NFU1: variants seen among roughly 807,000 people sequenced by gnomAD.
The protein encoded by NFU1 is NFU1 iron-sulfur cluster scaffold homolog, mitochondrial.
Under a neutral mutation model 32.2 loss-of-function variants are expected in NFU1, and 30 were observed. That is an observed-to-expected ratio of 0.93 (90% confidence interval 0.70 to 1.26). The LOEUF (loss-of-function observed/expected upper bound fraction) is 1.26. NFU1 is among the 50% of genes most tolerant of loss of function. The pLI is 0.00. For synonymous variants in NFU1, 112 were observed against 104.6 expected, an observed-to-expected ratio of 1.07 and a Z score of -0.43; for missense variants, 306 against 306.6, an observed-to-expected ratio of 1.00 and a Z score of 0.02.
chr2:69,417,743 G>C (rs1673104277), intron 4 of NFU1, among the ~76,000 whole-genome samples: 1 of 151,702 alleles, frequency 6.6e-6, no homozygotes, highest in African/African-American at 2.4e-5. Context: ...TATTGGTTAT[G>C]TCATTTCACT....
intron 6 of NFU1, among the ~76,000 whole-genome samples, chr2:69,404,309 C>T (rs945691416): frequency 1.3e-5 from 2 of 150,844 alleles, no homozygotes; most frequent in African/African-American, 4.9e-5. Flanking sequence ...CTGGCCAACA[C>T]GGTGAAACCC....
upstream of NFU1, among the ~76,000 whole-genome samples, chr2:69,439,542 A>C (rs1379022542): frequency 6.6e-6 from 1 of 152,184 alleles, no homozygotes; most frequent in African/African-American, 2.4e-5. Flanking sequence ...CTTTCATAAC[A>C]TGGAAGGGGA....
At chr2:69,419,746 T>C in intron 3 of NFU1, 142 bp from the exon 4 acceptor site, 1 of 643,944 alleles carries the variant, frequency 1.6e-6, no homozygotes, top group Non-Finnish European at 2.8e-6. Context: ...CAATTTTGTT[T>C]TATATTCCTA....
intron 2 of NFU1, among the ~76,000 whole-genome samples, chr2:69,431,064 A>C (rs927665079): frequency 1.1e-4 from 17 of 152,178 alleles, no homozygotes; most frequent in Admixed American, 9.8e-4. Flanking sequence ...CTATTTCCCA[A>C]ATTAAAGAAA....
At chr2:69,401,019 G>C (rs987599059) in intron 6 of NFU1, among the ~76,000 whole-genome samples, 1 of 152,092 alleles carries the variant, frequency 6.6e-6, no homozygotes, top group Admixed American at 6.6e-5. Context: ...AATAATTATT[G>C]TGATTACCTA....
In NFU1 at chr2:69,399,356, C is replaced by T. The variant is rs577255160; in HGVS notation, c.720+1008G>A. The T allele has an allele frequency of 4.0e-3, 1,821 of 455,664 alleles. 13 individuals are homozygous for T. The highest frequency in any genetic ancestry group is 4.2e-3 in the Non-Finnish European group (954 of 226,628). The allele number at this position is 455,664 out of a possible 1,614,324, so 28.2% of individuals were successfully genotyped here. ...ATCACTGCAGTGAGACTCATTATTACTGATGACAAGGTGCTGTGTTATACT... is the reference window on the plus strand; with the variant it reads ...ATCACTGCAGTGAGACTCATTATTATTGATGACAAGGTGCTGTGTTATACT... On this transcript the variant is annotated intron_variant, in intron 7 of 7. Transcript: ENST00000410022.
At chr2:69,400,598 A>AT in intron 6 of NFU1, 60 bp from the exon 7 acceptor site, 1 of 1,451,506 alleles carries the variant, frequency 6.9e-7, no homozygotes, top group Non-Finnish European at 9.7e-7. Context: ...CATTGAAAAA[A>AT]TTTAATACAG....
chr2:69,412,070 G>A (rs1672899292), intron 5 of NFU1, among the ~76,000 whole-genome samples: 1 of 152,112 alleles, frequency 6.6e-6, no homozygotes, highest in Non-Finnish European at 1.5e-5. Context: ...TTTTGGCGGG[G>A]GGACGGAGTC....
chr2:69,404,793 T>C (rs1672644618), intron 6 of NFU1, among the ~76,000 whole-genome samples: 1 of 150,984 alleles, frequency 6.6e-6, no homozygotes, highest in South Asian at 2.1e-4. Flanking sequence ...CTAATTTTTG[T>C]ATTCTTAGTA....
Position 69,415,178 on chromosome 2 carries a change from A to C in NFU1, c.484+7T>G. ...ACAAATTTTAATTACTCAATACAAC[A>C]TGTTACCTGCTTCTCCTGAAGGTGT... On this transcript the variant is annotated splice_region_variant and intron_variant, in intron 5 of 7. Transcript: ENST00000410022. 2.0e-6 allele frequency: 3 copies of C among 1,505,932 alleles called. 1 individual carries two copies. Among genetic ancestry groups the C allele is most frequent in the Non-Finnish European group, 2.8e-6 (3 of 1,081,402 alleles). 93.3% of individuals were successfully genotyped at this position (1,505,932 alleles called of 1,614,324 possible).
At chr2:69,438,993 A>C (rs1673957560), upstream of NFU1, among the ~76,000 whole-genome samples, 1 of 150,330 alleles carries the variant, frequency 6.7e-6, no homozygotes, top group Non-Finnish European at 1.5e-5. Flanking sequence ...TGGCTCTTCC[A>C]CCTTGGAACA....
chr2:69,397,608 T>TG (rs1491535362), intron 7 of NFU1, among the ~76,000 whole-genome samples: 4 of 77,482 alleles, frequency 5.2e-5, no homozygotes, highest in African/African-American at 4.3e-4. Context: ...CAAAGTAAGG[T>TG]TTTTTTTTTT....
At chr2:69,428,143 G>C (rs919813501) in intron 2 of NFU1, among the ~76,000 whole-genome samples, 1 of 152,088 alleles carries the variant, frequency 6.6e-6, no homozygotes, top group Non-Finnish European at 1.5e-5. Flanking sequence ...TCAGTGCCTG[G>C]CCGGGCGCAG....
intron 1 of NFU1, among the ~76,000 whole-genome samples, chr2:69,432,948 G>A (rs1052836744): frequency 1.3e-5 from 2 of 151,784 alleles, no homozygotes; most frequent in East Asian, 2.0e-4. Flanking sequence ...TCAGGAGTTC[G>A]AGACGAGCCT....
In NFU1 at chr2:69,433,568, T is replaced by C. The variant is rs138533730; in HGVS notation, c.63-1563A>G. Among the ~76,000 whole-genome samples the C allele has an allele frequency of 5.0e-3, 759 of 151,782 alleles. 8 individuals are homozygous for C. The highest frequency in any genetic ancestry group is 0.017 in the African/African-American group (720 of 41,360). On this transcript the variant is annotated intron_variant, in intron 1 of 7. Coordinates refer to ENST00000410022, the MANE Select transcript of NFU1 (RefSeq NM_001002755.4). ...CCAGCTTACTGCAACCTCCACCTCC[T>C]GGGTTCAAGTGATTCTCTTGCCTCA...
At chr2:69,431,696 A>G (rs1673642942) in intron 2 of NFU1, among the ~76,000 whole-genome samples, 1 of 152,214 alleles carries the variant, frequency 6.6e-6, no homozygotes, top group African/African-American at 2.4e-5. Context: ...ACATACTGAG[A>G]TTTCATAGAT....
chr2:69,438,318 T>C (rs774886693), upstream of NFU1, among the ~76,000 whole-genome samples: 1 of 151,780 alleles, frequency 6.6e-6, no homozygotes, highest in Non-Finnish European at 1.5e-5. Context: ...AGGAGTGCGA[T>C]CATAGCTCAC....
chr2:69,408,861 C>CT (rs1173785443), intron 5 of NFU1, among the ~76,000 whole-genome samples: 918 of 67,774 alleles, frequency 0.014, 88 homozygotes, highest in African/African-American at 0.029. Flanking sequence ...CAGGCTTGTG[C>CT]TTTTTTTTTT....
At chr2:69,401,358 A>C (rs1392961994) in intron 6 of NFU1, among the ~76,000 whole-genome samples, 2 of 152,216 alleles carry the variant, frequency 1.3e-5, no homozygotes, top group Non-Finnish European at 2.9e-5. Context: ...AATTCTATTT[A>C]TAAATCACGT....
Sources: gnomAD v4.1 joint callset for allele counts (sites outside exome capture counted in the v4.1 genomes callset) on GRCh38, gnomAD v4.1.1 for gene constraint, MANE v1.5 for transcripts, NCBI Gene and HGNC (gene_info 2026-07-23, HGNC 2026-07-21) for gene names.